RAVER2: variants seen among roughly 807,000 people sequenced by gnomAD.
RAVER2 encodes the protein ribonucleoprotein PTB-binding 2.
RAVER2 carries 46 observed loss-of-function variants against 78.1 expected under a neutral mutation model. The observed-to-expected ratio is 0.59, with a 90% CI of 0.46 to 0.75. The LOEUF (loss-of-function observed/expected upper bound fraction) is 0.75, where lower values mean the gene tolerates loss of function less well. RAVER2 is among the 30% of genes least tolerant of loss of function. The probability of loss-of-function intolerance (pLI) is 0.00; values close to 1 mark genes in which losing one functional copy is unlikely to be tolerated. For synonymous variants in RAVER2, 311 were observed against 313.3 expected, an observed-to-expected ratio of 0.99 and a Z score of 0.08; for missense variants, 793 against 837.5, an observed-to-expected ratio of 0.95 and a Z score of 0.66.
At chr1:64,819,619 G>T (rs1653835139) in intron 11 of RAVER2, among the ~76,000 whole-genome samples, 1 of 152,188 alleles carries the variant, frequency 6.6e-6, no homozygotes, top group South Asian at 2.1e-4. Flanking sequence ...AAAACTTACA[G>T]ATCTAACAGG....
intron 1 of RAVER2, among the ~76,000 whole-genome samples, chr1:64,754,882 G>C (rs898703544): frequency 6.6e-6 from 1 of 152,180 alleles, no homozygotes; most frequent in Admixed American, 6.5e-5. Flanking sequence ...TTATGCATGA[G>C]GGTTTGGGTA....
At chr1:64,773,555 C>T (rs997030179) in intron 2 of RAVER2, among the ~76,000 whole-genome samples, 4 of 152,106 alleles carry the variant, frequency 2.6e-5, no homozygotes, top group African/African-American at 7.2e-5. Context: ...GTATATGTGC[C>T]ACATTTTCTT....
At chr1:64,821,863 G>C (rs1031280186) in intron 11 of RAVER2, among the ~76,000 whole-genome samples, 2 of 152,172 alleles carry the variant, frequency 1.3e-5, no homozygotes, top group African/African-American at 4.8e-5. Flanking sequence ...AACGCACAAA[G>C]ATTTTACGAC....
At chr1:64,820,734 G>T (rs1473345580) in intron 11 of RAVER2, among the ~76,000 whole-genome samples, 2 of 152,190 alleles carry the variant, frequency 1.3e-5, no homozygotes, top group African/African-American at 4.8e-5. Flanking sequence ...TCCCACAAAA[G>T]ACATGAGCTC....
chr1:64,815,818 T>TG (rs1653743167), intron 11 of RAVER2: 1 of 152,206 alleles, frequency 6.6e-6, no homozygotes, highest in African/African-American at 2.4e-5. Context: ...CTTATATACC[T>TG]GGGACAAGAC....
intron 5 of RAVER2, among the ~76,000 whole-genome samples, chr1:64,793,080 G>A (rs913449126): frequency 3.9e-5 from 6 of 152,118 alleles, no homozygotes; most frequent in Non-Finnish European, 7.4e-5. Context: ...GCATGCACTT[G>A]TAGTCCCAGC....
intron 2 of RAVER2, among the ~76,000 whole-genome samples, chr1:64,770,128 A>G (rs1331618299): frequency 6.6e-6 from 1 of 152,034 alleles, no homozygotes; most frequent in Admixed American, 6.6e-5. Flanking sequence ...ACAGTGATGC[A>G]ATGAATAGCC....
At chr1:64,756,631 C>A (rs953129620) in intron 1 of RAVER2, among the ~76,000 whole-genome samples, 6 of 152,270 alleles carry the variant, frequency 3.9e-5, no homozygotes, top group Middle Eastern at 3.4e-3. Flanking sequence ...CTTATACAAC[C>A]AATGTACATC....
rs371665226 is a variant in RAVER2 at position 64,751,177 on chromosome 1, C to T, written c.249+5756C>T. 3.3e-3 allele frequency among the ~76,000 whole-genome samples: 509 copies of T among 152,328 alleles called. 2 individuals carry two copies. The highest frequency in any genetic ancestry group is 6.0e-3 in the Non-Finnish European group (409 of 68,018). Reference sequence around the variant, plus strand: ...TTATGCTTAGAAATTCTTTTTTGAACTTGTGACATGTTTTCACATAGAAAG... The same window carrying T: ...TTATGCTTAGAAATTCTTTTTTGAATTTGTGACATGTTTTCACATAGAAAG... On this transcript the variant is annotated intron_variant, in intron 1 of 11. Coordinates refer to ENST00000294428, the Ensembl canonical transcript of RAVER2.
chr1:64,786,592 A>G (rs1652786232), intron 4 of RAVER2, among the ~76,000 whole-genome samples: 1 of 152,044 alleles, frequency 6.6e-6, no homozygotes, highest in African/African-American at 2.4e-5. Context: ...GGAGTTTGAG[A>G]CCAGCCTGGC....
intron 11 of RAVER2, among the ~76,000 whole-genome samples, chr1:64,827,789 A>G (rs189348617): frequency 7.5e-4 from 115 of 152,334 alleles, no homozygotes; most frequent in Non-Finnish European, 9.3e-4. Context: ...GACAAGTTCA[A>G]TAGCCTCCTG....
intron 1 of RAVER2, among the ~76,000 whole-genome samples, chr1:64,764,967 A>G (rs749756410): frequency 2.6e-4 from 39 of 152,242 alleles, no homozygotes; most frequent in Non-Finnish European, 4.6e-4. Context: ...TTGATTAAAT[A>G]ACTGGACACT....
chr1:64,822,014 G>A (rs1305299024), intron 11 of RAVER2, among the ~76,000 whole-genome samples: 2 of 152,226 alleles, frequency 1.3e-5, no homozygotes, highest in South Asian at 2.1e-4. Flanking sequence ...GAGGCCAGGC[G>A]CGGTGGCTCA....
chr1:64,751,216 G>A (rs1651688986), intron 1 of RAVER2, among the ~76,000 whole-genome samples: 1 of 152,172 alleles, frequency 6.6e-6, no homozygotes, highest in Non-Finnish European at 1.5e-5. Context: ...ATAGTAGATG[G>A]TATTTAGTTT....
chr1:64,783,857 C>T (rs969422411), intron 4 of RAVER2, among the ~76,000 whole-genome samples: 1 of 152,184 alleles, frequency 6.6e-6, no homozygotes, highest in African/African-American at 2.4e-5. Flanking sequence ...AGAGCTTCTG[C>T]ACAGCAAAAG....
chr1:64,749,038 CTA>C (rs1254805443), intron 1 of RAVER2, among the ~76,000 whole-genome samples: 1 of 151,562 alleles, frequency 6.6e-6, no homozygotes, highest in African/African-American at 2.4e-5. Context: ...CATCGTATCT[CTA>C]TGTTGCCTAG....
intron 5 of RAVER2, 89 bp downstream of exon 5, chr1:64,789,603 T>C (rs1212500485): frequency 1.8e-6 from 2 of 1,106,312 alleles, no homozygotes; most frequent in Non-Finnish European, 2.4e-6. Flanking sequence ...AATACATTGA[T>C]TTGTGAAAAA....
chr1:64,826,044 T>C (rs1653996574), intron 11 of RAVER2, among the ~76,000 whole-genome samples: 1 of 152,232 alleles, frequency 6.6e-6, no homozygotes, highest in South Asian at 2.1e-4. Flanking sequence ...AGTTTTTCCA[T>C]GTCAGAGTGT....
At chr1:64,769,719 T>C (rs1424129974) in intron 2 of RAVER2, among the ~76,000 whole-genome samples, 1 of 152,042 alleles carries the variant, frequency 6.6e-6, no homozygotes, top group Non-Finnish European at 1.5e-5. Flanking sequence ...TCAGAGTGAC[T>C]ATAATGAGCA....
Sources: allele counts gnomAD v4.1 joint callset (sites outside exome capture counted in the v4.1 genomes callset), GRCh38; gene constraint gnomAD v4.1.1; transcripts MANE v1.5; gene names NCBI Gene and HGNC (gene_info 2026-07-23, HGNC 2026-07-21).